Variants in GAS7 observed in about 807,000 individuals in gnomAD.
GAS7 encodes the protein growth arrest specific 7.
GAS7 carries 28 observed loss-of-function variants against 71.1 expected under a neutral mutation model. The observed-to-expected ratio is 0.39, with a 90% confidence interval of 0.29 to 0.54. The LOEUF (loss-of-function observed/expected upper bound fraction) is 0.54. Among genes scored for constraint, GAS7 ranks in the 20% least tolerant of loss-of-function variants. GAS7 has a pLI of 0.62. For synonymous variants in GAS7, 258 were observed against 245.8 expected (o/e 1.05, Z -0.46); for missense variants, 436 against 627.8 (o/e 0.69, Z 3.27).
chr17:9,927,348 G>C (rs1383665576), intron 9 of GAS7, among the ~76,000 whole-genome samples: 1 of 143,572 alleles, frequency 7.0e-6, no homozygotes, highest in African/African-American at 2.6e-5. Flanking sequence ...TTAGCTGGGA[G>C]TGGTGGCAGG....
At chr17:10,009,709 CTT>C (rs939160260) in intron 2 of GAS7, among the ~76,000 whole-genome samples, 2 of 144,836 alleles carry the variant, frequency 1.4e-5, no homozygotes, top group Non-Finnish European at 3.0e-5. Context: ...AAATAAAACA[CTT>C]TTTTTTTTCC....
Position 10,034,025 on chromosome 17 carries a change from A to C in GAS7, c.184-14128T>G. ...AATTCTCACCAACCCGATTCAACTA[A>C]CATTTCTGGAGCTGCTGCCGCTGGC... On this transcript the variant is annotated intron_variant, in intron 1 of 13. Transcript: ENST00000432992. The surrounding 1 kb of genome is among the most constrained non-coding windows in gnomAD (Gnocchi z 4.4). 2 of 648,322 alleles carry C rather than the reference A, an allele frequency of 3.1e-6. No homozygotes were observed. The highest frequency in any genetic ancestry group is 1.6e-3 in the Middle Eastern group (2 of 1,276). The allele number at this position is 648,322 out of a possible 1,614,324, so 40.2% of individuals were successfully genotyped here. A position where few individuals can be genotyped will look rare whatever the true frequency, so the allele number is the denominator to read the frequency against.
At chr17:10,099,506 G>A (rs1347927451) in intron 1 of GAS7, among the ~76,000 whole-genome samples, 2 of 152,230 alleles carry the variant, frequency 1.3e-5, no homozygotes, top group Non-Finnish European at 2.9e-5. Flanking sequence ...AGGGCACCCT[G>A]CACTGGGGGT....
intron 1 of GAS7, among the ~76,000 whole-genome samples, chr17:10,032,885 C>G (rs2072655992): frequency 1.3e-5 from 2 of 152,140 alleles, no homozygotes; most frequent in South Asian, 4.1e-4. Flanking sequence ...ACCAACAAAG[C>G]GAAGTGATAT....
intron 1 of GAS7, among the ~76,000 whole-genome samples, chr17:10,126,379 C>T (rs979096515): frequency 6.6e-6 from 1 of 151,718 alleles, no homozygotes; most frequent in East Asian, 1.9e-4. Context: ...CACACACCCA[C>T]ACACTCACGC....
chr17:9,975,531 A>ACCC (rs5819256), intron 3 of GAS7, among the ~76,000 whole-genome samples: 13 of 90,820 alleles, frequency 1.4e-4, no homozygotes, highest in African/African-American at 5.3e-4. Flanking sequence ...CTTCTTTCTC[A>ACCC]CCCCCCCCTT....
At chr17:10,142,857 G>T (rs1284568525) in intron 1 of GAS7, among the ~76,000 whole-genome samples, 1 of 152,162 alleles carries the variant, frequency 6.6e-6, no homozygotes, top group African/African-American at 2.4e-5. Flanking sequence ...GTAACAGGGA[G>T]TGTGTCATGA....
At chr17:10,111,361 G>A (rs938567381) in intron 1 of GAS7, among the ~76,000 whole-genome samples, 13 of 150,982 alleles carry the variant, frequency 8.6e-5, no homozygotes, top group East Asian at 2.0e-4. Context: ...GTGAAACCCC[G>A]TCTCTATTAA....
chr17:9,982,589 C>T (rs2070450381), intron 2 of GAS7, among the ~76,000 whole-genome samples: 1 of 151,990 alleles, frequency 6.6e-6, no homozygotes, highest in Non-Finnish European at 1.5e-5. Flanking sequence ...CCGGCCTGGC[C>T]AACATGGTGA....
intron 1 of GAS7, among the ~76,000 whole-genome samples, chr17:10,105,571 C>T (rs189790012): frequency 2.0e-5 from 3 of 152,258 alleles, no homozygotes; most frequent in African/African-American, 7.2e-5. Flanking sequence ...CTTGCTGTCA[C>T]CTCTGCCTGG....
In GAS7 at chr17:9,917,169, C is replaced by G. The variant is rs1267513762; in HGVS notation, c.*59G>C. The G allele has an allele frequency of 4.8e-6, 5 of 1,049,688 alleles. No homozygotes were observed. The African/African-American group carries it at 7.8e-5, about 16-fold the overall frequency. 65.0% of individuals were successfully genotyped at this position (1,049,688 alleles called of 1,614,324 possible). A position where few individuals can be genotyped will look rare whatever the true frequency, so the allele number is the denominator to read the frequency against. On this transcript the variant is annotated 3_prime_UTR_variant, in exon 14 of 14. Transcript: ENST00000432992. ...GGGGGGCATCCACTCGGCATGGGCCCCATGGTGGGAGCCCAGCCCCCCTCC... is the reference window on the plus strand; with the variant it reads ...GGGGGGCATCCACTCGGCATGGGCCGCATGGTGGGAGCCCAGCCCCCCTCC...
At position 10,019,844 on chromosome 17, in the gene GAS7, A is replaced by G. The variant is rs762192780; in HGVS notation, c.237T>C (p.Leu79=). Residue 79 remains leucine (L), a synonymous_variant, in exon 2 of 14, where the codon CTT becomes CTC. Coordinates refer to ENST00000432992, the MANE Select transcript of GAS7 (RefSeq NM_201433.2). ...PPGEESQTVI[L]PPGWQSYLSP... ...ACAGGTAGCTCTGCCAGCCAGGTGG[A>G]AGGATGACCGTCTGGCTTTCTTCTC... 1 of 1,613,864 alleles carries G rather than the reference A, an allele frequency of 6.2e-7. No homozygotes were observed. Among genetic ancestry groups the G allele is most frequent in the Non-Finnish European group, 8.5e-7 (1 of 1,179,740 alleles).
At chr17:10,131,295 A>G (rs1335366778) in intron 1 of GAS7, among the ~76,000 whole-genome samples, 1 of 152,222 alleles carries the variant, frequency 6.6e-6, no homozygotes, top group Non-Finnish European at 1.5e-5. Context: ...TACAGCCAAC[A>G]TTGCTTGGGT....
chr17:10,123,633 T>C (rs942881910), intron 1 of GAS7, among the ~76,000 whole-genome samples: 2 of 152,194 alleles, frequency 1.3e-5, no homozygotes, highest in Non-Finnish European at 2.9e-5. Context: ...CTCAGCACTT[T>C]TGGGGTCCCC....
At position 9,911,390 on chromosome 17, in the gene GAS7, A is replaced by G. The variant is rs146707789; in HGVS notation, c.*5838T>C. ...CCCGAGAGAGCACCCACGTGCCCTG[A>G]CCTTACATTCCACTGCAATCCCACT... On this transcript the variant is annotated 3_prime_UTR_variant, in exon 14 of 14. Transcript: ENST00000432992. The surrounding 1 kb of genome is among the most constrained non-coding windows in gnomAD (Gnocchi z 4.0). 3.0e-4 allele frequency: 71 copies of G among 233,240 alleles called. 1 individual carries two copies. In the East Asian group the frequency reaches 4.2e-3, roughly 14 times the overall value. 14.4% of individuals were successfully genotyped at this position (233,240 alleles called of 1,614,324 possible). A position where few individuals can be genotyped will look rare whatever the true frequency, so the allele number is the denominator to read the frequency against.
intron 1 of GAS7, among the ~76,000 whole-genome samples, chr17:10,090,600 G>A (rs979095696): frequency 3.9e-5 from 6 of 152,234 alleles, no homozygotes; most frequent in Middle Eastern, 3.4e-3. Context: ...CAGCTCACTC[G>A]TGGCTTTCAG....
chr17:10,088,036 C>G (rs2073538387), intron 1 of GAS7, among the ~76,000 whole-genome samples: 1 of 151,874 alleles, frequency 6.6e-6, no homozygotes, highest in Non-Finnish European at 1.5e-5. Flanking sequence ...GCCTGGCCAA[C>G]ATGGTGAAAC....
At chr17:9,958,970 A>G (rs947759371) in intron 5 of GAS7, 2 of 1,408,356 alleles carry the variant, frequency 1.4e-6, no homozygotes, top group Admixed American at 3.0e-5. Context: ...CATCCCAGCC[A>G]TCCTCCTTCC....
At chr17:10,111,526 C>A (rs2073812807) in intron 1 of GAS7, among the ~76,000 whole-genome samples, 2 of 147,444 alleles carry the variant, frequency 1.4e-5, no homozygotes, top group African/African-American at 5.0e-5. Context: ...GAGTGAGACT[C>A]TGTCTCAAAA....
Sources: allele counts gnomAD v4.1 joint callset (sites outside exome capture counted in the v4.1 genomes callset), GRCh38; gene constraint gnomAD v4.1.1; non-coding constraint Gnocchi (gnomAD v3.1); transcripts MANE v1.5; gene names NCBI Gene and HGNC (gene_info 2026-07-23, HGNC 2026-07-21).